The following DISC1 variants were observed in gnomAD, a reference collection of about 807,000 sequenced individuals.
DISC1 encodes the protein disrupted in schizophrenia 1 protein.
In DISC1, 57 loss-of-function variants were observed where a neutral mutation model predicts 84.5. The ratio of observed to expected loss-of-function variants is 0.67; its 90% CI spans 0.55 to 0.84. The LOEUF is 0.84. Among genes scored for constraint, DISC1 ranks in the 40% least tolerant of loss-of-function variants. The probability of loss-of-function intolerance (pLI) is 0.00; values close to 1 mark genes in which losing one functional copy is unlikely to be tolerated. For synonymous variants in DISC1, 411 were observed against 415.2 expected, an observed-to-expected ratio of 0.99 and a Z score of 0.12; for missense variants, 1,000 against 1,057.8, an observed-to-expected ratio of 0.95 and a Z score of 0.76.
chr1:232,031,148 G>GGA lies in DISC1; in HGVS notation c.2425+4611_2425+4612dup, dbSNP rs143647961. ...AAGGAAGGAAGGAAGGAGGGAGAGA[G>GGA]GAGAGAGAGAGAGAGAACAGGAAGG... On this transcript the variant is annotated intron_variant, in intron 12 of 12. Transcript: ENST00000439617. This position sits in a 1 kb window ranked among gnomAD's most constrained non-coding sequence, Gnocchi z 4.6. 0.027 allele frequency among the ~76,000 whole-genome samples: 3,938 copies of GGA among 144,212 alleles called. 195 individuals are homozygous for GGA. Among genetic ancestry groups the GGA allele is most frequent in the African/African-American group, 0.096 (3,669 of 38,154 alleles). 94.6% of individuals were successfully genotyped at this position (144,212 alleles called of 152,430 possible). A position where few individuals can be genotyped will look rare whatever the true frequency, so the allele number is the denominator to read the frequency against.
chr1:231,874,835 G>A (rs12029127), intron 9 of DISC1, among the ~76,000 whole-genome samples: 75,411 of 150,698 alleles, frequency 0.5, 19,045 homozygotes, highest in African/African-American at 0.53. Context: ...GGCGTGAACT[G>A]GAGAGGCGGA....
At chr1:231,723,823 T>G (rs1406136547) in intron 3 of DISC1, 2 of 985,290 alleles carry the variant, frequency 2.0e-6, no homozygotes, top group Non-Finnish European at 2.4e-6. Flanking sequence ...CCCTCTTTTT[T>G]GTTGGTTGTG....
intron 10 of DISC1, among the ~76,000 whole-genome samples, chr1:231,981,945 A>T (rs1213621143): frequency 6.6e-6 from 1 of 152,140 alleles, no homozygotes; most frequent in Non-Finnish European, 1.5e-5. Context: ...GTATGTAGAG[A>T]AGTGGGGAGA....
chr1:232,038,918 C>G lies in DISC1; in HGVS notation c.*2087C>G, dbSNP rs1261096227. ...GCTTTGCTCAGCCTTCCATGCTGTG[C>G]AGCACTTCTGTCCTCAGTCAAGGAG... On this transcript the variant is annotated 3_prime_UTR_variant, in exon 13 of 13. Transcript: ENST00000439617. 6.6e-6 allele frequency: 1 copy of G among 152,196 alleles called. No individual in the cohort carries two copies. The highest frequency in any genetic ancestry group is 1.5e-5 in the Non-Finnish European group (1 of 68,032). 9.4% of individuals were successfully genotyped at this position (152,196 alleles called of 1,614,324 possible). A position where few individuals can be genotyped will look rare whatever the true frequency, so the allele number is the denominator to read the frequency against.
chr1:231,780,071 A>G (rs928070884), intron 6 of DISC1, among the ~76,000 whole-genome samples: 1 of 150,504 alleles, frequency 6.6e-6, no homozygotes, highest in Non-Finnish European at 1.5e-5. Flanking sequence ...GGAATATCAC[A>G]CTCTGGGGAC....
chr1:231,780,240 A>T (rs1265721020), intron 6 of DISC1, among the ~76,000 whole-genome samples: 5 of 150,686 alleles, frequency 3.3e-5, no homozygotes, highest in Non-Finnish European at 7.4e-5. Flanking sequence ...AGTATAATAA[A>T]AAAAAAAAAA....
chr1:231,719,828 CA>C (rs1400815813), intron 3 of DISC1, among the ~76,000 whole-genome samples: 1 of 152,022 alleles, frequency 6.6e-6, no homozygotes, highest in Non-Finnish European at 1.5e-5. Context: ...AGAGAGAAAC[CA>C]AAAAGCTCAC....
At chr1:231,991,475 A>G (rs1262307824) in intron 10 of DISC1, among the ~76,000 whole-genome samples, 1 of 152,082 alleles carries the variant, frequency 6.6e-6, no homozygotes, top group South Asian at 2.1e-4. Context: ...CATTTATCCT[A>G]TAGTTCTCAA....
Position 231,695,217 on chromosome 1 carries a change from C to T in DISC1, c.1047+412C>T, listed in dbSNP as rs114479473. 3.4e-3 allele frequency among the ~76,000 whole-genome samples: 521 copies of T among 152,314 alleles called. 6 individuals are homozygous for T. Among genetic ancestry groups the T allele is most frequent in the African/African-American group, 0.011 (466 of 41,556 alleles). ...TATCAGGGCGATCCTGCTCTTCATC[C>T]GCTTCACTCATTCCCTTCCATCCTG... On this transcript the variant is annotated intron_variant, in intron 2 of 12. Transcript: ENST00000439617.
At chr1:231,807,380 C>A (rs1412946880) in intron 8 of DISC1, among the ~76,000 whole-genome samples, 1 of 152,214 alleles carries the variant, frequency 6.6e-6, no homozygotes. Flanking sequence ...CAGCCTTGTC[C>A]TGCTCAAATT....
chr1:231,889,516 A>C (rs2087043992), intron 9 of DISC1, among the ~76,000 whole-genome samples: 1 of 152,194 alleles, frequency 6.6e-6, no homozygotes, highest in Non-Finnish European at 1.5e-5. Flanking sequence ...TGGTGATTGG[A>C]TTACAAGTTT....
intron 1 of DISC1, among the ~76,000 whole-genome samples, chr1:231,649,432 T>A (rs980589467): frequency 6.6e-6 from 1 of 152,224 alleles, no homozygotes; most frequent in Non-Finnish European, 1.5e-5. Flanking sequence ...CAGTTTGTTA[T>A]GATTTCTGTT....
intron 10 of DISC1, among the ~76,000 whole-genome samples, chr1:231,984,916 G>A (rs1045666872): frequency 2.6e-5 from 4 of 152,160 alleles, no homozygotes; most frequent in Admixed American, 6.5e-5. Flanking sequence ...GGTCAAGAAC[G>A]TAGATTTTGG....
chr1:231,825,485 A>C (rs903702492), intron 9 of DISC1, among the ~76,000 whole-genome samples: 72 of 152,320 alleles, frequency 4.7e-4, no homozygotes, highest in African/African-American at 1.7e-3. Context: ...ACATGTACTC[A>C]CACACGCTCA....
intron 1 of DISC1, among the ~76,000 whole-genome samples, chr1:231,628,702 T>A (rs1485923573): frequency 6.6e-6 from 1 of 152,098 alleles, no homozygotes; most frequent in African/African-American, 2.4e-5. Context: ...ACTTATAGAG[T>A]GGAGCTGTGA....
chr1:231,696,338 G>T (rs1320877850), intron 2 of DISC1, among the ~76,000 whole-genome samples: 1 of 152,208 alleles, frequency 6.6e-6, no homozygotes, highest in Non-Finnish European at 1.5e-5. Flanking sequence ...TTCAGACAGG[G>T]CCTGGCATCT....
intron 2 of DISC1, among the ~76,000 whole-genome samples, chr1:231,695,596 T>C (rs73115158): frequency 0.013 from 1,919 of 151,014 alleles, 50 homozygotes; most frequent in African/African-American, 0.045. Context: ...TGTGTGTGTA[T>C]GTGTGTGCAT....
intron 4 of DISC1, among the ~76,000 whole-genome samples, chr1:231,760,390 C>A (rs965211052): frequency 6.6e-6 from 1 of 152,116 alleles, no homozygotes; most frequent in Non-Finnish European, 1.5e-5. Context: ...ATGGGACACA[C>A]AAGTCATATG....
intron 9 of DISC1, among the ~76,000 whole-genome samples, chr1:231,957,312 T>C (rs1414698803): frequency 6.6e-6 from 1 of 152,150 alleles, no homozygotes; most frequent in Non-Finnish European, 1.5e-5. Context: ...TTTTATGGAG[T>C]GTCATTTCCC....
Sources: allele counts gnomAD v4.1 joint callset (sites outside exome capture counted in the v4.1 genomes callset), GRCh38; gene constraint gnomAD v4.1.1; non-coding constraint Gnocchi (gnomAD v3.1); transcripts MANE v1.5; gene names NCBI Gene and HGNC (gene_info 2026-07-23, HGNC 2026-07-21).